Variants in GABBR2 observed in about 807,000 individuals in gnomAD.
The protein encoded by GABBR2 is gamma-aminobutyric acid type B receptor subunit 2.
A neutral mutation model predicts 105.6 loss-of-function variants in GABBR2; 23 were observed. The ratio of observed to expected loss-of-function variants is 0.22; its 90% CI spans 0.16 to 0.31. The LOEUF (loss-of-function observed/expected upper bound fraction) is 0.31, where lower values mean the gene tolerates loss of function less well. GABBR2 is among the 10% of genes least tolerant of loss of function. The probability of loss-of-function intolerance (pLI) is 1.00; values close to 1 mark genes in which losing one functional copy is unlikely to be tolerated. For synonymous variants in GABBR2, 478 were observed against 499.7 expected, an observed-to-expected ratio of 0.96 and a Z score of 0.58; for missense variants, 734 against 1,245.5, an observed-to-expected ratio of 0.59 and a Z score of 6.18.
chr9:98,637,356 A>C (rs897236206), intron 1 of GABBR2, among the ~76,000 whole-genome samples: 3 of 152,142 alleles, frequency 2.0e-5, no homozygotes, highest in Non-Finnish European at 2.9e-5. Context: ...AAGAGAAAGG[A>C]GAGAATAATG....
chr9:98,492,764 A>G (rs1389286467), intron 4 of GABBR2, among the ~76,000 whole-genome samples: 1 of 152,178 alleles, frequency 6.6e-6, no homozygotes, highest in East Asian at 1.9e-4. Context: ...GACTGGGGTT[A>G]TGGGATTTGG....
chr9:98,599,052 CG>C (rs1564126586), intron 1 of GABBR2, among the ~76,000 whole-genome samples: 1 of 152,092 alleles, frequency 6.6e-6, no homozygotes, highest in Non-Finnish European at 1.5e-5. Context: ...TCAGGCTGAC[CG>C]GGAGACAAGA....
chr9:98,504,810 T>C (rs1827471937), intron 3 of GABBR2, among the ~76,000 whole-genome samples: 1 of 152,228 alleles, frequency 6.6e-6, no homozygotes, highest in African/African-American at 2.4e-5. Context: ...AGGGCACCGC[T>C]GTAGCTAAGA....
At chr9:98,368,154 C>T (rs965644473) in intron 12 of GABBR2, among the ~76,000 whole-genome samples, 1 of 152,112 alleles carries the variant, frequency 6.6e-6, no homozygotes, top group African/African-American at 2.4e-5. Context: ...CCTCTAGATG[C>T]CTGGTGACAC....
chr9:98,619,373 A>G (rs1328032991), intron 1 of GABBR2, among the ~76,000 whole-genome samples: 1 of 152,196 alleles, frequency 6.6e-6, no homozygotes, highest in African/African-American at 2.4e-5. Context: ...TAAACATAAT[A>G]AAAACAAGAT....
intron 1 of GABBR2, among the ~76,000 whole-genome samples, chr9:98,707,028 G>A (rs1164144961): frequency 6.6e-6 from 1 of 152,192 alleles, no homozygotes; most frequent in African/African-American, 2.4e-5. Flanking sequence ...AGCAGCCTGC[G>A]CGTACCGCTG....
At chr9:98,447,740 A>G (rs147731168) in intron 7 of GABBR2, among the ~76,000 whole-genome samples, 61 of 152,062 alleles carry the variant, frequency 4.0e-4, no homozygotes, top group African/African-American at 1.3e-3. Flanking sequence ...GACCTTACTT[A>G]GAGTACTTGG....
intron 1 of GABBR2, among the ~76,000 whole-genome samples, chr9:98,697,360 G>A (rs542571666): frequency 1.3e-5 from 2 of 152,096 alleles, no homozygotes; most frequent in Non-Finnish European, 2.9e-5. Context: ...GCGTGGTGGC[G>A]GGCGCCTGTA....
chr9:98,590,900 G>A (rs1321997104), intron 1 of GABBR2, among the ~76,000 whole-genome samples: 2 of 152,172 alleles, frequency 1.3e-5, no homozygotes, highest in Non-Finnish European at 2.9e-5. Context: ...ATGGAGGGTT[G>A]GACCTGGAGT....
chr9:98,459,730 T>C (rs1826391659), intron 6 of GABBR2, among the ~76,000 whole-genome samples: 1 of 152,222 alleles, frequency 6.6e-6, no homozygotes, highest in Non-Finnish European at 1.5e-5. Context: ...CCAGGGTCAG[T>C]AAATATCCCA....
intron 1 of GABBR2, among the ~76,000 whole-genome samples, chr9:98,597,460 A>T (rs1829254865): frequency 6.6e-6 from 1 of 152,192 alleles, no homozygotes; most frequent in Non-Finnish European, 1.5e-5. Flanking sequence ...TCATCTCATG[A>T]AGCTGCATGT....
intron 1 of GABBR2, among the ~76,000 whole-genome samples, chr9:98,655,444 C>T (rs1480015482): frequency 6.6e-6 from 1 of 151,910 alleles, no homozygotes; most frequent in African/African-American, 2.4e-5. Context: ...AACAAGGAGA[C>T]CAAAGGAAGA....
intron 1 of GABBR2, among the ~76,000 whole-genome samples, chr9:98,617,739 A>G (rs1829607597): frequency 6.6e-6 from 1 of 152,164 alleles, no homozygotes; most frequent in African/African-American, 2.4e-5. Flanking sequence ...TTGTTGGCAC[A>G]CAAAAAAAAG....
chr9:98,422,596 T>C (rs910511009), intron 7 of GABBR2, among the ~76,000 whole-genome samples: 1 of 151,834 alleles, frequency 6.6e-6, no homozygotes, highest in Admixed American at 6.6e-5. Context: ...AATGGAAGGA[T>C]AGATATTAAA....
chr9:98,680,219 A>C (rs1002515885), intron 1 of GABBR2, among the ~76,000 whole-genome samples: 1 of 148,716 alleles, frequency 6.7e-6, no homozygotes, highest in Non-Finnish European at 1.5e-5. Context: ...TCAATACTGC[A>C]AAAAAAAAAT....
At chr9:98,643,471 A>C (rs1829994187) in intron 1 of GABBR2, among the ~76,000 whole-genome samples, 3 of 152,330 alleles carry the variant, frequency 2.0e-5, no homozygotes, top group Middle Eastern at 3.4e-3. Flanking sequence ...ATTCACTGAT[A>C]GAAAGATTTT....
At chr9:98,497,252 A>G (rs1299070773) in intron 3 of GABBR2, among the ~76,000 whole-genome samples, 1 of 152,220 alleles carries the variant, frequency 6.6e-6, no homozygotes, top group African/African-American at 2.4e-5. Flanking sequence ...GGGTGACAGA[A>G]CAAGACCTTG....
intron 2 of GABBR2, among the ~76,000 whole-genome samples, chr9:98,567,804 G>A (rs1482081771): frequency 1.3e-5 from 2 of 152,142 alleles, no homozygotes; most frequent in Non-Finnish European, 2.9e-5. Context: ...GAGGGAAAAT[G>A]ACCCGGAGCT....
chr9:98,353,013 G>A (rs1244419488), intron 13 of GABBR2, among the ~76,000 whole-genome samples: 1 of 152,110 alleles, frequency 6.6e-6, no homozygotes, highest in Non-Finnish European at 1.5e-5. Context: ...TTAGGGGGGT[G>A]AGTGAATGGG....
Sources: gnomAD v4.1 joint callset for allele counts (sites outside exome capture counted in the v4.1 genomes callset) on GRCh38, gnomAD v4.1.1 for gene constraint, MANE v1.5 for transcripts, NCBI Gene and HGNC (gene_info 2026-07-23, HGNC 2026-07-21) for gene names.